ZNF90: variants seen among roughly 807,000 people sequenced by gnomAD.
ZNF90 encodes zinc finger protein 90.
Under a neutral mutation model 12.0 loss-of-function variants are expected in ZNF90, and 11 were observed. The observed-to-expected ratio is 0.92, with a 90% CI of 0.58 to 1.52. The LOEUF is 1.52. Among genes scored for constraint, ZNF90 ranks in the 40% most tolerant of loss-of-function variants. The probability of loss-of-function intolerance (pLI) is 0.00; values close to 1 mark genes in which losing one functional copy is unlikely to be tolerated. For synonymous variants in ZNF90, 232 were observed against 240.1 expected, an observed-to-expected ratio of 0.97 and a Z score of 0.31; for missense variants, 765 against 711.5, an observed-to-expected ratio of 1.08 and a Z score of -0.86.
chr19:20,078,786 A>C (rs985118979), intron 1 of ZNF90, among the ~76,000 whole-genome samples: 2 of 152,142 alleles, frequency 1.3e-5, no homozygotes, highest in African/African-American at 4.8e-5. Context: ...GTCTGACCCC[A>C]GCCAATGGAG....
intron 1 of ZNF90, among the ~76,000 whole-genome samples, chr19:20,097,315 C>T (rs1171583056): frequency 6.6e-6 from 1 of 152,186 alleles, no homozygotes; most frequent in Non-Finnish European, 1.5e-5. Context: ...GACTTTTCCT[C>T]TCAGGCTTCC....
At chr19:20,084,742 C>T (rs778595332) in intron 1 of ZNF90, among the ~76,000 whole-genome samples, 2 of 152,146 alleles carry the variant, frequency 1.3e-5, no homozygotes, top group Non-Finnish European at 2.9e-5. Flanking sequence ...TAATGATTAG[C>T]GATGACCACT....
At chr19:20,099,198 G>A (rs782207120) in intron 1 of ZNF90, among the ~76,000 whole-genome samples, 1 of 151,466 alleles carries the variant, frequency 6.6e-6, no homozygotes, top group Non-Finnish European at 1.5e-5. Flanking sequence ...TTTTGAGATG[G>A]TGTCTCACTG....
rs530974831 is a variant in ZNF90 at position 20,089,637 on chromosome 19, G to C, written c.3+11502G>C. Among the ~76,000 whole-genome samples, 5 of 152,206 alleles carry C rather than the reference G, an allele frequency of 3.3e-5. No homozygotes were observed. In the East Asian group the frequency reaches 7.7e-4, roughly 24 times the overall value. On this transcript the variant is annotated intron_variant, in intron 1 of 3. Coordinates refer to ENST00000418063, the MANE Select transcript of ZNF90 (RefSeq NM_007138.2). ...GAAGTAGAGTTAATATAAGGAGAAA[G>C]GTTTTTTAAATAAGTGCGAAGGAGG...
intron 1 of ZNF90, among the ~76,000 whole-genome samples, chr19:20,101,772 A>G (rs1265575480): frequency 6.6e-6 from 1 of 152,220 alleles, no homozygotes; most frequent in Non-Finnish European, 1.5e-5. Context: ...AAAGAAAAAA[A>G]AATGGCTTTT....
chr19:20,114,119 G>A (rs899646592), intron 3 of ZNF90, among the ~76,000 whole-genome samples: 1 of 152,014 alleles, frequency 6.6e-6, no homozygotes, highest in Non-Finnish European at 1.5e-5. Flanking sequence ...GGGGAAACAT[G>A]GTCTCTACTA....
At chr19:20,097,799 T>G (rs563573222) in intron 1 of ZNF90, among the ~76,000 whole-genome samples, 23 of 152,264 alleles carry the variant, frequency 1.5e-4, no homozygotes, top group Non-Finnish European at 2.9e-4. Flanking sequence ...CTGTTGAAAC[T>G]GTTCACAATT....
intron 1 of ZNF90, among the ~76,000 whole-genome samples, chr19:20,082,743 C>T (rs762624816): frequency 5.3e-5 from 8 of 152,172 alleles, no homozygotes; most frequent in East Asian, 3.9e-4. Flanking sequence ...GACCATCCCC[C>T]AGCCCGACAC....
intron 3 of ZNF90, among the ~76,000 whole-genome samples, chr19:20,113,993 T>C (rs1297570383): frequency 2.0e-5 from 3 of 152,174 alleles, no homozygotes; most frequent in Non-Finnish European, 2.9e-5. Context: ...TAATAAAATT[T>C]ATAATAAAAT....
At chr19:20,087,584 A>G (rs1361681223) in intron 1 of ZNF90, 4 of 152,356 alleles carry the variant, frequency 2.6e-5, no homozygotes, top group Admixed American at 2.0e-4. Flanking sequence ...CTGATGTGAC[A>G]CTGGAGTGCT....
At chr19:20,109,573 A>G (rs1654271) in intron 3 of ZNF90, among the ~76,000 whole-genome samples, 41,856 of 151,968 alleles carry the variant, frequency 0.28, 6,321 homozygotes, top group East Asian at 0.48. Context: ...TAAATTTATT[A>G]AAGTGTACAT....
At chr19:20,098,253 G>T (rs1399666140) in intron 1 of ZNF90, among the ~76,000 whole-genome samples, 1 of 152,302 alleles carries the variant, frequency 6.6e-6, no homozygotes, top group Non-Finnish European at 1.5e-5. Flanking sequence ...TTACAAAAAA[G>T]GGTGGGAGTT....
intron 3 of ZNF90, among the ~76,000 whole-genome samples, chr19:20,113,783 G>A (rs1179652829): frequency 6.6e-6 from 1 of 151,988 alleles, no homozygotes; most frequent in African/African-American, 2.4e-5. Flanking sequence ...AGCGGAGATC[G>A]CGCCACTGCA....
chr19:20,104,462 G>A (rs2122506844), intron 2 of ZNF90, 97 bp downstream of exon 2: 11 of 1,344,790 alleles, frequency 8.2e-6, no homozygotes, highest in Non-Finnish European at 1.1e-5. Context: ...GTTTGCATAA[G>A]AGAGTTTTAG....
chr19:20,108,461 C>T (rs1407224216), intron 3 of ZNF90, among the ~76,000 whole-genome samples: 2 of 152,190 alleles, frequency 1.3e-5, no homozygotes, highest in East Asian at 3.9e-4. Flanking sequence ...AGGCACTTGC[C>T]ACCACTCCCG....
chr19:20,116,488 T>A (rs1260283007), intron 3 of ZNF90, among the ~76,000 whole-genome samples: 2 of 152,252 alleles, frequency 1.3e-5, no homozygotes, highest in Non-Finnish European at 2.9e-5. Flanking sequence ...TTTGGAATTT[T>A]AAAAATTACT....
chr19:20,114,249 C>T (rs1177545797), intron 3 of ZNF90, among the ~76,000 whole-genome samples: 3 of 152,186 alleles, frequency 2.0e-5, no homozygotes, highest in Non-Finnish European at 4.4e-5. Flanking sequence ...CGATATTGTG[C>T]CACTGCAGTT....
chr19:20,084,031 C>T (rs115343254), intron 1 of ZNF90, among the ~76,000 whole-genome samples: 2,287 of 152,042 alleles, frequency 0.015, 54 homozygotes, highest in African/African-American at 0.052. Flanking sequence ...GCTGGGAGGA[C>T]GGGCATGAGC....
At position 20,079,112 on chromosome 19, in the gene ZNF90, C is replaced by A. The variant is rs559802451; in HGVS notation, c.3+977C>A. 2.0e-4 allele frequency among the ~76,000 whole-genome samples: 26 copies of A among 127,284 alleles called. No homozygotes were observed. The East Asian group carries it at 4.7e-3, about 23-fold the overall frequency. 83.5% of individuals were successfully genotyped at this position (127,284 alleles called of 152,430 possible). A position where few individuals can be genotyped will look rare whatever the true frequency, so the allele number is the denominator to read the frequency against. Reference sequence around the variant, plus strand: ...CCAGCATGCGCGACAGAGGGAGAGTCCTCAAAAAAAAAAAAAAAAAAAAAA... The same window carrying A: ...CCAGCATGCGCGACAGAGGGAGAGTACTCAAAAAAAAAAAAAAAAAAAAAA... On this transcript the variant is annotated intron_variant, in intron 1 of 3. Transcript: ENST00000418063.
Sources: gnomAD v4.1 joint callset for allele counts (sites outside exome capture counted in the v4.1 genomes callset) on GRCh38, gnomAD v4.1.1 for gene constraint, MANE v1.5 for transcripts, NCBI Gene and HGNC (gene_info 2026-07-23, HGNC 2026-07-21) for gene names.